The following LOXL2 variants were observed in gnomAD, a reference collection of about 807,000 sequenced individuals.
The protein encoded by LOXL2 is lysyl oxidase like 2.
In LOXL2, 70 loss-of-function variants were observed where a neutral mutation model predicts 93.0. That is an observed-to-expected ratio of 0.75 (90% CI 0.62 to 0.92). LOXL2 has a LOEUF of 0.92. Ranked by LOEUF, LOXL2 falls within the 40% of genes least tolerant of loss-of-function variation. The pLI is 0.00. For missense variants in LOXL2, 973 were observed against 1,054.9 expected (o/e 0.92, Z 1.08); for synonymous variants, 438 against 413.2 (o/e 1.06, Z -0.73).
In LOXL2 at chr8:23,322,178, C is replaced by A; in HGVS notation, c.1254G>T (p.Glu418Asp). 6.2e-7 allele frequency: 1 copy of A among 1,614,244 alleles called. No homozygotes were observed. Among genetic ancestry groups the A allele is most frequent in the Non-Finnish European group, 8.5e-7 (1 of 1,180,038 alleles). Residue 418 changes from glutamate (E) to aspartate (D), a missense_variant, in exon 7 of 14, where the codon GAG (glutamate) becomes GAT (aspartate). Coordinates refer to ENST00000389131, the MANE Select transcript of LOXL2 (RefSeq NM_002318.3). ...NAESQGCNHE[E>D]DAGVRCNTPA... Reference sequence around the variant, plus strand: ...GGGTGTTGCATCTCACACCAGCATCCTCCTCGTGGTTGCAGCCCTGAGACT... The same window carrying A: ...GGGTGTTGCATCTCACACCAGCATCATCCTCGTGGTTGCAGCCCTGAGACT...
intron 1 of LOXL2, among the ~76,000 whole-genome samples, chr8:23,397,287 G>A (rs1053860568): frequency 6.6e-6 from 1 of 152,150 alleles, no homozygotes; most frequent in Non-Finnish European, 1.5e-5. Context: ...GATGGTGATG[G>A]TAGCACAGCA....
At chr8:23,361,116 G>A (rs751069512) in intron 2 of LOXL2, among the ~76,000 whole-genome samples, 1 of 152,030 alleles carries the variant, frequency 6.6e-6, no homozygotes, top group African/African-American at 2.4e-5. Flanking sequence ...GGCCAGGATG[G>A]TCTTGATTTC....
intron 7 of LOXL2, 91 bp from the exon 8 acceptor site, chr8:23,320,143 A>G: frequency 7.2e-7 from 1 of 1,383,168 alleles, no homozygotes; most frequent in Non-Finnish European, 1.0e-6. Context: ...TGGAGTCCTA[A>G]GCCAGGTGGT....
Position 23,318,425 on chromosome 8 carries a change from G to GCACACACA in LOXL2, c.1471-1319_1471-1312dup, listed in dbSNP as rs59051890. On this transcript the variant is annotated intron_variant, in intron 8 of 13. Coordinates refer to ENST00000389131, the MANE Select transcript of LOXL2 (RefSeq NM_002318.3). ...CATTCATACATCCTATTGGTTGATAGCACACACACACACACACACACACAC... is the reference window on the plus strand; with the variant it reads ...CATTCATACATCCTATTGGTTGATAGCACACACACACACACACACACACACACACACAC... 4.5e-4 allele frequency among the ~76,000 whole-genome samples: 66 copies of GCACACACA among 145,748 alleles called. 1 individual carries two copies. Among genetic ancestry groups the GCACACACA allele is most frequent in the Admixed American group, 1.6e-3 (24 of 14,794 alleles).
At chr8:23,369,043 C>A (rs1563204271) in intron 1 of LOXL2, among the ~76,000 whole-genome samples, 1 of 152,196 alleles carries the variant, frequency 6.6e-6, no homozygotes, top group Non-Finnish European at 1.5e-5. Flanking sequence ...ATTGAGGGAG[C>A]CCGTGTGGGA....
Position 23,403,939 on chromosome 8 carries a change from G to T in LOXL2, c.-84+15C>A, listed in dbSNP as rs143051428. ...AACCGCTTCGGGGAGGGGGTGGCGC[G>T]GGAAGCGCTCTTACTTGGTTTCAGG... On this transcript the variant is annotated intron_variant, in intron 1 of 13. Coordinates refer to ENST00000389131, the MANE Select transcript of LOXL2 (RefSeq NM_002318.3). 4.4e-3 allele frequency: 707 copies of T among 158,942 alleles called. 2 individuals carry two copies. The highest frequency in any genetic ancestry group is 0.017 in the African/African-American group (688 of 41,650). The allele number at this position is 158,942 out of a possible 1,614,324, so 9.8% of individuals were successfully genotyped here.
intron 5 of LOXL2, among the ~76,000 whole-genome samples, chr8:23,330,194 T>C (rs980705406): frequency 3.3e-5 from 5 of 151,980 alleles, no homozygotes; most frequent in Non-Finnish European, 4.4e-5. Flanking sequence ...ATTAGCCAGG[T>C]GCGGTGGCGG....
intron 1 of LOXL2, among the ~76,000 whole-genome samples, chr8:23,378,434 C>A (rs1804625596): frequency 6.6e-6 from 1 of 152,016 alleles, no homozygotes; most frequent in Non-Finnish European, 1.5e-5. Flanking sequence ...TTGCTCTTCT[C>A]CAGGAGTATC....
intron 1 of LOXL2, among the ~76,000 whole-genome samples, chr8:23,400,072 T>A (rs932635324): frequency 6.6e-6 from 1 of 152,182 alleles, no homozygotes; most frequent in African/African-American, 2.4e-5. Flanking sequence ...TCCCACATGA[T>A]CTGCCAAGAA....
chr8:23,337,627 C>G (rs559495749), intron 4 of LOXL2, among the ~76,000 whole-genome samples: 2 of 152,184 alleles, frequency 1.3e-5, no homozygotes, highest in African/African-American at 4.8e-5. Context: ...TCCTCAGCTG[C>G]AACATTAAAT....
At chr8:23,311,207 G>C (rs1038588557) in intron 9 of LOXL2, among the ~76,000 whole-genome samples, 3 of 152,184 alleles carry the variant, frequency 2.0e-5, no homozygotes, top group Admixed American at 6.5e-5. Context: ...CGGGTTCTCA[G>C]TAAACCCTGT....
In LOXL2 at chr8:23,302,504, G is replaced by T. The variant is rs150148492; in HGVS notation, c.1997-341C>A. On this transcript the variant is annotated intron_variant, in intron 11 of 13. Transcript: ENST00000389131. ...TGGTGCCTGTGGTTTAGCAAAACGTGGGGGGTCATACTGTCTGTCTCCTCT... is the reference window on the plus strand; with the variant it reads ...TGGTGCCTGTGGTTTAGCAAAACGTTGGGGGTCATACTGTCTGTCTCCTCT... 2.5e-3 allele frequency among the ~76,000 whole-genome samples: 377 copies of T among 151,972 alleles called. 4 individuals carry two copies. Among genetic ancestry groups the T allele is most frequent in the African/African-American group, 8.5e-3 (351 of 41,286 alleles).
chr8:23,360,580 C>G (rs1804273147), intron 2 of LOXL2, among the ~76,000 whole-genome samples: 1 of 152,108 alleles, frequency 6.6e-6, no homozygotes, highest in African/African-American at 2.4e-5. Flanking sequence ...GGTTTGAGTT[C>G]TCGTTCAGCC....
intron 13 of LOXL2, among the ~76,000 whole-genome samples, chr8:23,298,398 G>A (rs1201255005): frequency 6.6e-6 from 1 of 152,236 alleles, no homozygotes; most frequent in Non-Finnish European, 1.5e-5. Flanking sequence ...AAAAAGCTCT[G>A]CCTTCCCTTT....
intron 7 of LOXL2, chr8:23,321,831 G>A (rs13271505): frequency 0.66 from 232,022 of 349,228 alleles, 80,864 homozygotes; most frequent in Non-Finnish European, 0.74. Flanking sequence ...GTGGCTAGCC[G>A]GTCCCACGCC....
At chr8:23,325,426 A>C (rs1161080263) in intron 6 of LOXL2, among the ~76,000 whole-genome samples, 1 of 152,114 alleles carries the variant, frequency 6.6e-6, no homozygotes, top group African/African-American at 2.4e-5. Context: ...AGTAGCTGGG[A>C]CCACAGGTGT....
At chr8:23,392,581 C>T (rs141427850) in intron 1 of LOXL2, among the ~76,000 whole-genome samples, 1 of 152,226 alleles carries the variant, frequency 6.6e-6, no homozygotes, top group African/African-American at 2.4e-5. Flanking sequence ...CATCTCCAGA[C>T]TGGCATGGCT....
rs1224869892 is a variant in LOXL2 at position 23,333,687 on chromosome 8, A to G, written c.744-64T>C. 7.7e-6 allele frequency: 10 copies of G among 1,294,536 alleles called. No homozygotes were observed. The East Asian group carries it at 2.4e-4, about 31-fold the overall frequency. 80.2% of individuals were successfully genotyped at this position (1,294,536 alleles called of 1,614,324 possible). Reference sequence around the variant, plus strand: ...TGACGCCTACCCCGATTCCTTCTGCAACGAGGCAGAACATGAGAGACTGGG... The same window carrying G: ...TGACGCCTACCCCGATTCCTTCTGCGACGAGGCAGAACATGAGAGACTGGG... On this transcript the variant is annotated intron_variant, in intron 4 of 13. Coordinates refer to ENST00000389131, the MANE Select transcript of LOXL2 (RefSeq NM_002318.3).
At chr8:23,338,805 A>G (rs996097406) in intron 4 of LOXL2, among the ~76,000 whole-genome samples, 2 of 152,182 alleles carry the variant, frequency 1.3e-5, no homozygotes, top group Non-Finnish European at 2.9e-5. Context: ...CAGTCCTGCC[A>G]CAACCCTCAG....
Sources: gnomAD v4.1 joint callset for allele counts (sites outside exome capture counted in the v4.1 genomes callset) on GRCh38, gnomAD v4.1.1 for gene constraint, MANE v1.5 for transcripts, NCBI Gene and HGNC (gene_info 2026-07-23, HGNC 2026-07-21) for gene names.